Variants in BAZ2B observed in about 807,000 individuals in gnomAD.
BAZ2B encodes the protein bromodomain adjacent to zinc finger domain protein 2B.
Under a neutral mutation model 246.0 loss-of-function variants are expected in BAZ2B, and 91 were observed. The ratio of observed to expected loss-of-function variants is 0.37; its 90% CI spans 0.31 to 0.44. The LOEUF (loss-of-function observed/expected upper bound fraction) is 0.44, where lower values mean the gene tolerates loss of function less well. Among genes scored for constraint, BAZ2B ranks in the 20% least tolerant of loss-of-function variants. BAZ2B has a pLI of 1.00. For missense variants in BAZ2B, 2,332 were observed against 2,533.7 expected, an observed-to-expected ratio of 0.92 and a Z score of 1.71; for synonymous variants, 855 against 860.0, an observed-to-expected ratio of 0.99 and a Z score of 0.10.
the BAZ2B span, among the ~76,000 whole-genome samples, chr2:159,654,693 G>A: frequency 6.6e-6 from 1 of 152,182 alleles, no homozygotes; most frequent in Non-Finnish European, 1.5e-5. Flanking sequence ...AGAAACTACA[G>A]GCCGGGCATG....
At chr2:159,667,510 C>T in the BAZ2B span, among the ~76,000 whole-genome samples, 2 of 151,848 alleles carry the variant, frequency 1.3e-5, no homozygotes, top group South Asian at 2.1e-4. Flanking sequence ...GCACGAGAAT[C>T]GCTTGAACCC....
chr2:159,316,507 C>T (rs1417977631), downstream of BAZ2B, among the ~76,000 whole-genome samples: 4 of 151,194 alleles, frequency 2.6e-5, no homozygotes, highest in African/African-American at 9.7e-5. Context: ...CTGGCTAACA[C>T]GGTGAAACCC....
chr2:159,348,281 C>G (rs112937834), intron 30 of BAZ2B, among the ~76,000 whole-genome samples: 31 of 143,848 alleles, frequency 2.2e-4, no homozygotes, highest in African/African-American at 6.5e-4. Flanking sequence ...GACTGCACCA[C>G]CATTCTCCAG....
intron 27 of BAZ2B, among the ~76,000 whole-genome samples, chr2:159,360,753 A>T (rs539188142): frequency 6.6e-6 from 1 of 152,342 alleles, no homozygotes; most frequent in Non-Finnish European, 1.5e-5. Context: ...CAAAACAGAT[A>T]TATAGAACAG....
chr2:159,503,900 C>A (rs2082077283), intron 2 of BAZ2B, among the ~76,000 whole-genome samples: 1 of 152,038 alleles, frequency 6.6e-6, no homozygotes, highest in Admixed American at 6.6e-5. Flanking sequence ...CTTCTTCTGG[C>A]AAATCAGAAA....
intron 13 of BAZ2B, among the ~76,000 whole-genome samples, chr2:159,414,462 T>C (rs1175339012): frequency 6.6e-6 from 1 of 152,214 alleles, no homozygotes; most frequent in Non-Finnish European, 1.5e-5. Flanking sequence ...GATAAATGCT[T>C]GAGGTGATGA....
intron 3 of BAZ2B, among the ~76,000 whole-genome samples, chr2:159,471,960 A>T (rs1160470243): frequency 6.6e-6 from 1 of 152,216 alleles, no homozygotes; most frequent in Non-Finnish European, 1.5e-5. Context: ...AATAAAGTTC[A>T]TACACATGTA....
intron 10 of BAZ2B, among the ~76,000 whole-genome samples, chr2:159,429,781 G>A (rs112045904): frequency 2.0e-5 from 3 of 152,086 alleles, no homozygotes; most frequent in Non-Finnish European, 2.9e-5. Flanking sequence ...TTCTAAGACC[G>A]AGATCAAGTT....
the BAZ2B span, among the ~76,000 whole-genome samples, chr2:159,695,739 ATATC>A: frequency 6.6e-6 from 1 of 151,980 alleles, no homozygotes; most frequent in African/African-American, 2.4e-5. Context: ...ATTGATCTAT[ATATC>A]TTTTTTTATT....
upstream of BAZ2B, among the ~76,000 whole-genome samples, chr2:159,619,803 G>A (rs764953403): frequency 3.3e-5 from 5 of 151,848 alleles, no homozygotes; most frequent in Admixed American, 2.6e-4. Flanking sequence ...TCATTTCAGA[G>A]ATTATAACAT....
At chr2:159,424,674 A>G (rs1394540371) in intron 13 of BAZ2B, among the ~76,000 whole-genome samples, 1 of 152,216 alleles carries the variant, frequency 6.6e-6, no homozygotes, top group Admixed American at 6.5e-5. Flanking sequence ...GCTGTCCCTT[A>G]GTATCCAGGA....
At chr2:159,627,799 G>A in the BAZ2B span, among the ~76,000 whole-genome samples, 1 of 152,082 alleles carries the variant, frequency 6.6e-6, no homozygotes, top group Non-Finnish European at 1.5e-5. Flanking sequence ...GTTCAACATA[G>A]TATTGGAAGT....
intron 34 of BAZ2B, among the ~76,000 whole-genome samples, chr2:159,327,802 G>A (rs573157566): frequency 2.0e-5 from 3 of 152,254 alleles, no homozygotes; most frequent in East Asian, 1.9e-4. Context: ...GGTAACTCAC[G>A]CCTGTAATCC....
chr2:159,395,959 G>T, intron 19 of BAZ2B, 125 bp from the exon 20 acceptor site: 1 of 775,044 alleles, frequency 1.3e-6, no homozygotes. Context: ...TTATAGACAA[G>T]TCACAGTAAA....
At chr2:159,384,970 C>T (rs1156715106) in intron 23 of BAZ2B, among the ~76,000 whole-genome samples, 185 bp downstream of exon 23, 1 of 152,070 alleles carries the variant, frequency 6.6e-6, no homozygotes, top group Non-Finnish European at 1.5e-5. Flanking sequence ...TTTTTCAATA[C>T]ACTACAAAGA....
At chr2:159,602,352 A>G (rs1011759267) in intron 1 of BAZ2B, among the ~76,000 whole-genome samples, 6 of 152,232 alleles carry the variant, frequency 3.9e-5, no homozygotes, top group Non-Finnish European at 8.8e-5. Flanking sequence ...GCTTGCTCAT[A>G]GTGGCTCACA....
Position 159,604,147 on chromosome 2 carries a change from T to C in BAZ2B, c.-46+12095A>G, listed in dbSNP as rs577977994. ...GAAGGAATAAGTAACTGGCAAGTTG[T>C]ACAGCTGCATATACCCTTTTAACAT... On this transcript the variant is annotated intron_variant, in intron 1 of 36. Coordinates refer to ENST00000392783, the MANE Select transcript of BAZ2B (RefSeq NM_013450.4). Among the ~76,000 whole-genome samples, 77 of 152,374 alleles carry C rather than the reference T, an allele frequency of 5.1e-4. No homozygotes were observed. The Middle Eastern group carries it at 0.017, about 34-fold the overall frequency.
chr2:159,445,549 A>G (rs923084964), intron 6 of BAZ2B, among the ~76,000 whole-genome samples: 1 of 152,190 alleles, frequency 6.6e-6, no homozygotes, highest in African/African-American at 2.4e-5. Flanking sequence ...ACACACACAA[A>G]ACACTGCTTG....
intron 6 of BAZ2B, among the ~76,000 whole-genome samples, chr2:159,441,002 G>C (rs1341063937): frequency 1.3e-5 from 2 of 152,088 alleles, no homozygotes; most frequent in Admixed American, 1.3e-4. Flanking sequence ...ACAAGGTAGA[G>C]AGATTAAAGG....
Sources: gnomAD v4.1 joint callset for allele counts (sites outside exome capture counted in the v4.1 genomes callset) on GRCh38, gnomAD v4.1.1 for gene constraint, MANE v1.5 for transcripts, NCBI Gene and HGNC (gene_info 2026-07-23, HGNC 2026-07-21) for gene names.